PTPRD: variants seen among roughly 807,000 people sequenced by gnomAD.
The protein encoded by PTPRD is protein tyrosine phosphatase receptor type D.
PTPRD carries 34 observed loss-of-function variants against 214.5 expected under a neutral mutation model. The observed-to-expected ratio is 0.16, with a 90% CI of 0.12 to 0.21. The LOEUF (loss-of-function observed/expected upper bound fraction) is 0.21. Ranked by LOEUF, PTPRD falls within the 10% of genes least tolerant of loss-of-function variation. The probability of loss-of-function intolerance (pLI) is 1.00; values close to 1 mark genes in which losing one functional copy is unlikely to be tolerated. For synonymous variants in PTPRD, 1,128 were observed against 845.7 expected (o/e 1.33, Z -5.79); for missense variants, 2,545 against 2,398.7 (o/e 1.06, Z -1.27).
In PTPRD at chr9:8,744,347, C is replaced by CT. The variant is rs1565733684; in HGVS notation, c.-103-10402_-103-10401insA. Among the ~76,000 whole-genome samples the CT allele has an allele frequency of 1.6e-3, 232 of 149,612 alleles. 1 individual carries two copies. Among genetic ancestry groups the CT allele is most frequent in the African/African-American group, 5.8e-3 (227 of 39,030 alleles). ...CATTATCCGAAAAGATACTTGCACA[C>CT]GCATGTATACAGCAGCACAATTTGC... is the stretch of plus-strand genomic sequence containing the variant. On this transcript the variant is annotated intron_variant, in intron 11 of 45. Transcript: ENST00000381196.
At chr9:9,698,110 G>T (rs2097418388) in intron 7 of PTPRD, among the ~76,000 whole-genome samples, 1 of 152,136 alleles carries the variant, frequency 6.6e-6, no homozygotes, top group African/African-American at 2.4e-5. Flanking sequence ...TTATCAGAGA[G>T]CTCTTCTATC....
intron 2 of PTPRD, among the ~76,000 whole-genome samples, chr9:10,583,583 CTGGGATACAGCAAGCCTCCT>C (rs1174510123): frequency 1.4e-4 from 22 of 151,938 alleles, no homozygotes; most frequent in Admixed American, 1.1e-3. Context: ...TCCTGAGTAG[CTGGGATACAGCAAGCCTCCT>C]GAGTAGCTGG....
intron 5 of PTPRD, among the ~76,000 whole-genome samples, chr9:9,914,598 T>A (rs760744146): frequency 5.9e-5 from 9 of 152,282 alleles, no homozygotes; most frequent in Middle Eastern, 3.4e-3. Context: ...GGGCCTGCGT[T>A]CCGAGTACGT....
At chr9:10,595,430 TG>T (rs1357117661) in intron 2 of PTPRD, among the ~76,000 whole-genome samples, 1 of 151,764 alleles carries the variant, frequency 6.6e-6, no homozygotes, top group Non-Finnish European at 1.5e-5. Flanking sequence ...GTAAGCTTCT[TG>T]GCTCTAAATT....
At chr9:8,853,955 C>A (rs1055580490) in intron 11 of PTPRD, among the ~76,000 whole-genome samples, 1 of 152,084 alleles carries the variant, frequency 6.6e-6, no homozygotes, top group African/African-American at 2.4e-5. Context: ...TGGTTTAAAT[C>A]ACATGTAACT....
chr9:10,265,056 G>C (rs1449266385), intron 3 of PTPRD, among the ~76,000 whole-genome samples: 1 of 152,076 alleles, frequency 6.6e-6, no homozygotes, highest in Non-Finnish European at 1.5e-5. Flanking sequence ...GGGGAACTGA[G>C]TCCATGAGGC....
intron 33 of PTPRD, among the ~76,000 whole-genome samples, chr9:8,457,451 T>C (rs954917039): frequency 6.6e-6 from 1 of 152,104 alleles, no homozygotes; most frequent in South Asian, 2.1e-4. Flanking sequence ...CAAGCCCTGG[T>C]GATTTTTTTT....
At chr9:9,913,868 G>A (rs1460658931) in intron 5 of PTPRD, among the ~76,000 whole-genome samples, 8 of 152,114 alleles carry the variant, frequency 5.3e-5, no homozygotes, top group Non-Finnish European at 8.8e-5. Flanking sequence ...AGCTGCCACA[G>A]CATGTTGCCA....
intron 2 of PTPRD, among the ~76,000 whole-genome samples, chr9:10,607,336 G>A (rs2079699755): frequency 6.6e-6 from 1 of 151,836 alleles, no homozygotes; most frequent in Admixed American, 6.6e-5. Context: ...AATTTGTTAT[G>A]TTACATACTA....
At chr9:10,440,771 A>G (rs2098752968) in intron 2 of PTPRD, among the ~76,000 whole-genome samples, 1 of 151,628 alleles carries the variant, frequency 6.6e-6, no homozygotes, top group Non-Finnish European at 1.5e-5. Context: ...TCAAATTAAA[A>G]CCAATATTAA....
intron 2 of PTPRD, among the ~76,000 whole-genome samples, chr9:10,426,366 C>T (rs1467983988): frequency 1.3e-5 from 2 of 151,616 alleles, no homozygotes; most frequent in Non-Finnish European, 2.9e-5. Context: ...GGTTACTTTG[C>T]TTGTACTTAT....
intron 33 of PTPRD, among the ~76,000 whole-genome samples, chr9:8,450,179 G>T (rs781036463): frequency 5.3e-5 from 8 of 152,050 alleles, no homozygotes; most frequent in Non-Finnish European, 1.0e-4. Flanking sequence ...TATTTGTGAG[G>T]AACAGGATAG....
chr9:9,477,282 G>C (rs10977809), intron 8 of PTPRD, among the ~76,000 whole-genome samples: 8 of 151,904 alleles, frequency 5.3e-5, no homozygotes, highest in Non-Finnish European at 2.9e-5. Flanking sequence ...GCCTCTAACC[G>C]TAAAGGTAGG....
chr9:9,883,762 G>A (rs1392239577), intron 5 of PTPRD, among the ~76,000 whole-genome samples: 1 of 152,084 alleles, frequency 6.6e-6, no homozygotes, highest in Non-Finnish European at 1.5e-5. Context: ...GCCGTATACT[G>A]TGAAATTTTT....
At position 8,316,973 on chromosome 9, in the gene PTPRD, A is replaced by G. The variant is rs1051863; in HGVS notation, c.*901T>C. The G allele has an allele frequency of 0.15, 33,948 of 231,264 alleles. 3,336 individuals are homozygous for G. Among genetic ancestry groups the G allele is most frequent in the Non-Finnish European group, 0.2 (23,738 of 116,660 alleles). 14.3% of individuals were successfully genotyped at this position (231,264 alleles called of 1,614,324 possible). A position where few individuals can be genotyped will look rare whatever the true frequency, so the allele number is the denominator to read the frequency against. ...ATAGACACCCTTATAAAATATGGAT[A>G]TATATGTATATATGTTAGCAGCAAC... On this transcript the variant is annotated 3_prime_UTR_variant, in exon 46 of 46. Coordinates refer to ENST00000381196, the MANE Select transcript of PTPRD (RefSeq NM_002839.4).
At chr9:9,038,755 C>G (rs1433937405) in intron 10 of PTPRD, among the ~76,000 whole-genome samples, 1 of 151,946 alleles carries the variant, frequency 6.6e-6, no homozygotes, top group Non-Finnish European at 1.5e-5. Flanking sequence ...TGGGATTTCA[C>G]CATGTTGGCC....
At chr9:10,023,726 G>A (rs1467928876) in intron 4 of PTPRD, among the ~76,000 whole-genome samples, 1 of 150,296 alleles carries the variant, frequency 6.7e-6, no homozygotes. Context: ...GCAATTTAGG[G>A]CCTAAGTACA....
At chr9:8,477,048 A>C (rs2096779415) in intron 30 of PTPRD, among the ~76,000 whole-genome samples, 1 of 152,182 alleles carries the variant, frequency 6.6e-6, no homozygotes, top group South Asian at 2.1e-4. Flanking sequence ...GGAGGAGTGA[A>C]ATGGGCAGCT....
intron 5 of PTPRD, among the ~76,000 whole-genome samples, chr9:9,847,115 G>A (rs1054496870): frequency 1.3e-5 from 2 of 152,002 alleles, no homozygotes; most frequent in African/African-American, 2.4e-5. Context: ...ATACTCTTAA[G>A]TAGAACGAAT....
Sources: allele counts gnomAD v4.1 joint callset (sites outside exome capture counted in the v4.1 genomes callset), GRCh38; gene constraint gnomAD v4.1.1; transcripts MANE v1.5; gene names NCBI Gene and HGNC (gene_info 2026-07-23, HGNC 2026-07-21).